Variants in MAN1A1 observed in about 807,000 individuals in gnomAD.
MAN1A1 encodes the protein mannosyl-oligosaccharide 1,2-alpha-mannosidase IA.
In MAN1A1, 29 loss-of-function variants were observed where a neutral mutation model predicts 70.8. The observed-to-expected ratio is 0.41, with a 90% CI of 0.31 to 0.56. MAN1A1 has a LOEUF of 0.56. MAN1A1 is among the 20% of genes least tolerant of loss of function. The probability of loss-of-function intolerance (pLI) is 0.29; values close to 1 mark genes in which losing one functional copy is unlikely to be tolerated. For synonymous variants in MAN1A1, 349 were observed against 330.1 expected, an observed-to-expected ratio of 1.06 and a Z score of -0.62; for missense variants, 747 against 841.3, an observed-to-expected ratio of 0.89 and a Z score of 1.39.
At chr6:119,228,725 A>G (rs546433338) in intron 6 of MAN1A1, among the ~76,000 whole-genome samples, 3 of 152,298 alleles carry the variant, frequency 2.0e-5, no homozygotes, top group African/African-American at 7.2e-5. Flanking sequence ...ATAAAGATAC[A>G]AATTATGTAC....
chr6:119,306,005 T>C lies in MAN1A1; in HGVS notation c.700+891A>G, dbSNP rs113291452. Reference sequence around the variant, plus strand: ...TCATTTTTCTCACCTATAAAATGTATATTTTAATGAGGCTAAATAAGATAA... The same window carrying C: ...TCATTTTTCTCACCTATAAAATGTACATTTTAATGAGGCTAAATAAGATAA... On this transcript the variant is annotated intron_variant, in intron 3 of 12. Coordinates refer to ENST00000368468, the MANE Select transcript of MAN1A1 (RefSeq NM_005907.4). 9.8e-5 allele frequency among the ~76,000 whole-genome samples: 15 copies of C among 152,340 alleles called. 1 individual carries two copies. Among genetic ancestry groups the C allele is most frequent in the African/African-American group, 3.6e-4 (15 of 41,590 alleles).
chr6:119,198,757 A>G (rs1015168892), intron 8 of MAN1A1, among the ~76,000 whole-genome samples: 1 of 152,204 alleles, frequency 6.6e-6, no homozygotes, highest in Non-Finnish European at 1.5e-5. Context: ...CCCTACTTTC[A>G]ATCCTTTGCT....
At chr6:119,198,484 A>G (rs1482277694) in intron 8 of MAN1A1, among the ~76,000 whole-genome samples, 1 of 152,218 alleles carries the variant, frequency 6.6e-6, no homozygotes, top group African/African-American at 2.4e-5. Context: ...TGTAATCTTC[A>G]AAAGAAATGG....
At chr6:119,295,693 C>T (rs574027036) in intron 4 of MAN1A1, among the ~76,000 whole-genome samples, 26 of 152,210 alleles carry the variant, frequency 1.7e-4, no homozygotes, top group African/African-American at 5.8e-4. Flanking sequence ...GGACAATTCT[C>T]CGATCTCTAC....
intron 6 of MAN1A1, among the ~76,000 whole-genome samples, chr6:119,209,090 CAAAAA>C (rs34328766): frequency 1.1e-5 from 1 of 89,080 alleles, no homozygotes. Flanking sequence ...GACCCCGTCT[CAAAAA>C]AAAAAAAAAA....
intron 2 of MAN1A1, among the ~76,000 whole-genome samples, chr6:119,324,752 C>A (rs1450823831): frequency 6.6e-6 from 1 of 152,114 alleles, no homozygotes; most frequent in Non-Finnish European, 1.5e-5. Flanking sequence ...ACTCATGATA[C>A]ATGAATATTT....
chr6:119,219,627 CAA>C lies in MAN1A1; in HGVS notation c.993-14747_993-14746del, dbSNP rs66760342. On this transcript the variant is annotated intron_variant, in intron 6 of 12. Coordinates refer to ENST00000368468, the MANE Select transcript of MAN1A1 (RefSeq NM_005907.4). ...TTCCCTTCAATTTTAGACATCTACT[CAA>C]AAAAAAAAAAATTCACCAAATGTTC... Among the ~76,000 whole-genome samples, 478 of 145,398 alleles carry C rather than the reference CAA, an allele frequency of 3.3e-3. 4 individuals carry two copies. The highest frequency in any genetic ancestry group is 5.4e-3 in the South Asian group (25 of 4,592).
chr6:119,259,829 T>TC (rs1013119783), intron 5 of MAN1A1, among the ~76,000 whole-genome samples: 1 of 152,128 alleles, frequency 6.6e-6, no homozygotes, highest in Non-Finnish European at 1.5e-5. Context: ...GTTCTCTTTT[T>TC]CCCCATGCCA....
rs568313784 is a variant in MAN1A1 at position 119,290,963 on chromosome 6, C to T, written c.817-200G>A. 1.1e-4 allele frequency among the ~76,000 whole-genome samples: 17 copies of T among 151,922 alleles called. No homozygotes were observed. In the East Asian group the frequency reaches 1.4e-3, roughly 12 times the overall value. ...ATTATACGTATCGAAACATCACTAA[C>T]GGACCCCCAAAATACGTACAATCAT... On this transcript the variant is annotated intron_variant, in intron 4 of 12. Coordinates refer to ENST00000368468, the MANE Select transcript of MAN1A1 (RefSeq NM_005907.4).
At chr6:119,223,935 T>C (rs1562199333) in intron 6 of MAN1A1, among the ~76,000 whole-genome samples, 1 of 152,152 alleles carries the variant, frequency 6.6e-6, no homozygotes, top group Non-Finnish European at 1.5e-5. Flanking sequence ...CATTAACCAT[T>C]GAAAGACACC....
chr6:119,292,438 G>A (rs891574559), intron 4 of MAN1A1, among the ~76,000 whole-genome samples: 1 of 151,928 alleles, frequency 6.6e-6, no homozygotes, highest in Non-Finnish European at 1.5e-5. Flanking sequence ...ACTACTATGT[G>A]CCAGACCCTG....
chr6:119,231,836 G>A (rs1774685630), intron 6 of MAN1A1, among the ~76,000 whole-genome samples: 1 of 152,178 alleles, frequency 6.6e-6, no homozygotes, highest in African/African-American at 2.4e-5. Context: ...AACAAAACAT[G>A]TTTAAAAGAA....
chr6:119,301,135 G>A (rs950383270), intron 4 of MAN1A1, among the ~76,000 whole-genome samples: 7 of 152,158 alleles, frequency 4.6e-5, no homozygotes, highest in South Asian at 2.1e-4. Context: ...ATGCTTACCC[G>A]AAAGACAAGA....
intron 11 of MAN1A1, 79 bp downstream of exon 11, chr6:119,188,326 T>C (rs1773347664): frequency 5.3e-6 from 7 of 1,320,548 alleles, no homozygotes; most frequent in Non-Finnish European, 6.2e-6. Context: ...GAAAAGTTGA[T>C]AAGCCTGATT....
chr6:119,263,541 C>T (rs1775669699), intron 5 of MAN1A1, among the ~76,000 whole-genome samples: 1 of 152,070 alleles, frequency 6.6e-6, no homozygotes, highest in Admixed American at 6.5e-5. Flanking sequence ...TGAAAAGTTA[C>T]CTATTGGGTA....
At chr6:119,319,477 T>C (rs1222697199) in intron 2 of MAN1A1, among the ~76,000 whole-genome samples, 1 of 151,854 alleles carries the variant, frequency 6.6e-6, no homozygotes, top group African/African-American at 2.4e-5. Context: ...CCTGTTAAAA[T>C]AGACTGCATT....
At chr6:119,254,406 A>G (rs1016356587) in intron 5 of MAN1A1, among the ~76,000 whole-genome samples, 5 of 152,204 alleles carry the variant, frequency 3.3e-5, no homozygotes, top group Non-Finnish European at 7.3e-5. Flanking sequence ...TTTTTGATTT[A>G]TCACTGGAAA....
intron 5 of MAN1A1, among the ~76,000 whole-genome samples, chr6:119,261,588 G>C (rs1264076513): frequency 6.6e-6 from 1 of 152,076 alleles, no homozygotes. Flanking sequence ...TCTTCAAAAA[G>C]AAAATGAAGA....
intron 5 of MAN1A1, among the ~76,000 whole-genome samples, chr6:119,250,026 C>G (rs1247580208): frequency 1.3e-5 from 2 of 152,108 alleles, no homozygotes; most frequent in African/African-American, 2.4e-5. Flanking sequence ...ATTATTGTAA[C>G]TCTTGTCAAA....
Sources: gnomAD v4.1 joint callset for allele counts (sites outside exome capture counted in the v4.1 genomes callset) on GRCh38, gnomAD v4.1.1 for gene constraint, MANE v1.5 for transcripts, NCBI Gene and HGNC (gene_info 2026-07-23, HGNC 2026-07-21) for gene names.